SLC34A1: variants seen among roughly 807,000 people sequenced by gnomAD.
SLC34A1 encodes sodium-dependent phosphate transport protein 2A.
A neutral mutation model predicts 51.4 loss-of-function variants in SLC34A1; 57 were observed. The observed-to-expected ratio is 1.11, with a 90% CI of 0.90 to 1.38. The LOEUF is 1.38. Ranked by LOEUF, SLC34A1 falls within the 40% of genes most tolerant of loss-of-function variation. The probability of loss-of-function intolerance (pLI) is 0.00; values close to 1 mark genes in which losing one functional copy is unlikely to be tolerated. For missense variants in SLC34A1, 796 were observed against 835.6 expected (o/e 0.95, Z 0.58); for synonymous variants, 368 against 358.0 (o/e 1.03, Z -0.32).
rs757931846 is a variant in SLC34A1 at position 177,386,472 on chromosome 5, G to A, written c.438G>A (p.Pro146=). The A allele has an allele frequency of 4.7e-5, 76 of 1,614,044 alleles. No homozygotes were observed. The Admixed American group carries it at 8.0e-4, about 17-fold the overall frequency. ...IFKDNAILSN[P]VAGLVVGILV... ...AGGATAACGCCATCCTGTCCAACCC[G>A]GTGGCCGGGCTGGTGGTGGGGATCC... The change falls in exon 5 of 13, where the codon CCG becomes CCA. Residue 146 remains proline (P), a synonymous_variant. Transcript: ENST00000324417. The surrounding 1 kb of genome is among the most constrained non-coding windows in gnomAD (Gnocchi z 4.8).
chr5:177,396,766 ACTTTGC>A lies in SLC34A1; in HGVS notation c.1210_1215del (p.Phe404_Ala405del). On this transcript the variant is annotated inframe_deletion, in exon 11 of 13. Coordinates refer to ENST00000324417, the MANE Select transcript of SLC34A1 (RefSeq NM_003052.5). This position sits in a 1 kb window ranked among gnomAD's most constrained non-coding sequence, Gnocchi z 4.0. ...GCCCCCTTCACCTGGGTCACAGGCT[ACTTTGC>A]CATGGTGGTGGGCGCCAGCATGACC... The A allele has an allele frequency of 6.2e-7, 1 of 1,614,210 alleles. No individual in the cohort carries two copies. The highest frequency in any genetic ancestry group is 1.1e-5 in the South Asian group (1 of 91,082).
rs1489305215 is a variant in SLC34A1, at chr5:177,397,019, C to G, written c.1361C>G (p.Thr454Arg). 1 of 1,614,018 alleles carries G rather than the reference C, an allele frequency of 6.2e-7. No homozygotes were observed. The highest frequency in any genetic ancestry group is 1.7e-5 in the Admixed American group (1 of 60,010). ...GGTTCCAACATCGGCACCACCACCACGGCCATCCTGGCTGCCCTGGCCAGC... is the reference window on the plus strand; with the variant it reads ...GGTTCCAACATCGGCACCACCACCAGGGCCATCCTGGCTGCCCTGGCCAGC... Reference protein sequence around the residue: ...TLGSNIGTTTTAILAALASPR... With the variant: ...TLGSNIGTTTRAILAALASPR... The change falls in exon 12 of 13, where the codon ACG (threonine) becomes AGG (arginine). Residue 454 changes from threonine to arginine, a missense_variant. By Grantham distance (71) the Thr-to-Arg change is moderately conservative. Transcript: ENST00000324417.
In SLC34A1 at chr5:177,385,972, AGGCTCCCT is replaced by A; in HGVS notation, c.110-14_110-7del. ...CTTTGGGGCCCTGGGGCTCCTGACC[AGGCTCCCT>A]CCCTAGTCCTACACAGGATCCCGGG... On this transcript the variant is annotated splice_polypyrimidine_tract_variant and splice_region_variant and intron_variant, in intron 2 of 12. Transcript: ENST00000324417. 1.9e-6 allele frequency: 3 copies of A among 1,610,802 alleles called. No homozygotes were observed. The highest frequency in any genetic ancestry group is 2.5e-6 in the Non-Finnish European group (3 of 1,179,772).
chr5:177,395,473 G>A (rs1762927656), intron 10 of SLC34A1, among the ~76,000 whole-genome samples: 3 of 152,158 alleles, frequency 2.0e-5, no homozygotes, highest in Admixed American at 1.3e-4. Context: ...GTAGCTGGCA[G>A]GAGCAGGGTA....
In SLC34A1 at chr5:177,388,306, C is replaced by G; in HGVS notation, c.870C>G (p.Ala290=). 1 of 1,614,172 alleles carries G rather than the reference C, an allele frequency of 6.2e-7. No individual in the cohort carries two copies. The highest frequency in any genetic ancestry group is 8.5e-7 in the Non-Finnish European group (1 of 1,180,034). Residue 290 remains alanine (A), a synonymous_variant, in exon 8 of 13, where the codon GCC becomes GCG. Coordinates refer to ENST00000324417, the MANE Select transcript of SLC34A1 (RefSeq NM_003052.5). The surrounding 1 kb of genome is among the most constrained non-coding windows in gnomAD (Gnocchi z 4.3). ...QLDESVITSI[A]TGDESLRNHS... is the part of the protein sequence containing the mutation. The stretch of plus-strand genomic sequence containing the variant: ...ACGAGTCTGTGATAACCAGCATTGC[C>G]ACTGGTGATGAGTCCCTGAGGAACC...
intron 10 of SLC34A1, among the ~76,000 whole-genome samples, chr5:177,394,688 C>CTTTTTTTTTT (rs34736156): frequency 9.5e-6 from 1 of 105,100 alleles, no homozygotes; most frequent in African/African-American, 4.0e-5. Context: ...GAGACTTTGT[C>CTTTTTTTTTT]TTTTTTTTTT....
chr5:177,398,052 G>C lies in SLC34A1; in HGVS notation c.1686G>C (p.Gln562His). Reference sequence around the variant, plus strand: ...TCGTGGTGCTCATCAATGTCCTGCAGAGTCGGAGTCCCGGGCACCTGCCCA... The same window carrying C: ...TCGTGGTGCTCATCAATGTCCTGCACAGTCGGAGTCCCGGGCACCTGCCCA... ...LAFVVLINVLQSRSPGHLPKW... is the reference protein window; with the variant it reads ...LAFVVLINVLHSRSPGHLPKW... Residue 562 changes from glutamine (Q) to histidine (H), a missense_variant, in exon 13 of 13, where the codon CAG becomes CAC. Physicochemically the swap from Gln to His is conservative, Grantham distance 24. Transcript: ENST00000324417. This position sits in a 1 kb window ranked among gnomAD's most constrained non-coding sequence, Gnocchi z 4.7. The C allele has an allele frequency of 6.2e-7, 1 of 1,614,048 alleles. No individual in the cohort carries two copies. The highest frequency in any genetic ancestry group is 1.1e-5 in the South Asian group (1 of 91,088).
rs1323126729 is a variant in SLC34A1, at chr5:177,386,576, C to T, written c.532+10C>T. The T allele has an allele frequency of 6.2e-7, 1 of 1,613,582 alleles. No homozygotes were observed. Among genetic ancestry groups the T allele is most frequent in the Non-Finnish European group, 8.5e-7 (1 of 1,179,940 alleles). The stretch of plus-strand genomic sequence containing the variant: ...ATGGTCTCCTCTGGCTGTGAGTTGG[C>T]CCACCAGGGTGGGGAAGAGCTTGGA... On this transcript the variant is annotated intron_variant, in intron 5 of 12. Transcript: ENST00000324417. The surrounding 1 kb of genome is among the most constrained non-coding windows in gnomAD (Gnocchi z 4.8).
Position 177,398,569 on chromosome 5 carries a change from G to A in SLC34A1, c.*283G>A. On this transcript the variant is annotated 3_prime_UTR_variant, in exon 13 of 13. Coordinates refer to ENST00000324417, the MANE Select transcript of SLC34A1 (RefSeq NM_003052.5). The surrounding 1 kb of genome is among the most constrained non-coding windows in gnomAD (Gnocchi z 4.7). ...ACACACCTGTGGGAGGCTGTGTGCA[G>A]GCTGCAGGATATCTGGGTATGATTT... 1.8e-6 allele frequency: 1 copy of A among 554,626 alleles called. No homozygotes were observed. Among genetic ancestry groups the A allele is most frequent in the African/African-American group, 1.9e-5 (1 of 52,970 alleles). 34.4% of individuals were successfully genotyped at this position (554,626 alleles called of 1,614,324 possible).
rs996912407 is a variant in SLC34A1 at position 177,397,847 on chromosome 5, C to T, written c.1481C>T (p.Thr494Ile). The T allele has an allele frequency of 1.2e-6, 2 of 1,613,610 alleles. No homozygotes were observed. The highest frequency in any genetic ancestry group is 1.7e-6 in the Non-Finnish European group (2 of 1,179,958). ...CTTCTGTGGTACCCGGTGCCCTGCACACGCCTGCCCATCCGCATGGCCAAG... is the reference window on the plus strand; with the variant it reads ...CTTCTGTGGTACCCGGTGCCCTGCATACGCCTGCCCATCCGCATGGCCAAG... ...GILLWYPVPCTRLPIRMAKAL... is the reference protein window; with the variant it reads ...GILLWYPVPCIRLPIRMAKAL... Residue 494 changes from threonine to isoleucine, a missense_variant, in exon 13 of 13, where the codon ACA becomes ATA. Transcript: ENST00000324417.
chr5:177,386,244 C>T lies in SLC34A1; in HGVS notation c.283C>T (p.Arg95Cys), dbSNP rs570530283. 160 of 1,544,224 alleles carry T rather than the reference C, an allele frequency of 1.0e-4. No homozygotes were observed. The South Asian group carries it at 1.4e-3, about 13-fold the overall frequency. ...AGAGTCCAGGCTGGTCCCCAAGCTG[C>T]GCCAGGCTGGCGCCATGCTGCTCAA... ...KPESRLVPKL[R>C]QAGAMLLKVP... Residue 95 changes from arginine to cysteine, a missense_variant, in exon 4 of 13, where the codon CGC becomes TGC. By Grantham distance (180) the Arg-to-Cys change is radical. Transcript: ENST00000324417. The surrounding 1 kb of genome is among the most constrained non-coding windows in gnomAD (Gnocchi z 4.8).
At position 177,389,794 on chromosome 5, in the gene SLC34A1, A is replaced by G. The variant is rs543083557; in HGVS notation, c.936+1422A>G. ...CAGCAGCCTCCACGTCCTCACTTGA[A>G]GTCATCCTCACCCAGGTTCACTCTG... is the stretch of plus-strand genomic sequence containing the variant. On this transcript the variant is annotated intron_variant, in intron 8 of 12. Coordinates refer to ENST00000324417, the MANE Select transcript of SLC34A1 (RefSeq NM_003052.5). The G allele has an allele frequency of 6.3e-4, 968 of 1,533,480 alleles. 6 individuals carry two copies. Among genetic ancestry groups the G allele is most frequent in the Admixed American group, 1.2e-3 (60 of 50,924 alleles). The allele number at this position is 1,533,480 out of a possible 1,614,324, so 95.0% of individuals were successfully genotyped here. A position where few individuals can be genotyped will look rare whatever the true frequency, so the allele number is the denominator to read the frequency against.
chr5:177,397,716 C>A, intron 12 of SLC34A1, 67 bp from the exon 13 acceptor site: 2 of 1,594,234 alleles, frequency 1.3e-6, no homozygotes, highest in South Asian at 1.1e-5. Context: ...ATCATCTACC[C>A]CTGCTGGCCT....
At chr5:177,395,340 G>A (rs1244401726) in intron 10 of SLC34A1, among the ~76,000 whole-genome samples, 1 of 152,124 alleles carries the variant, frequency 6.6e-6, no homozygotes, top group African/African-American at 2.4e-5. Context: ...AGTGCAGTTG[G>A]CATTTGAACA....
At position 177,386,046 on chromosome 5, in the gene SLC34A1, C is replaced by T. The variant is rs763646910; in HGVS notation, c.169C>T (p.Leu57Phe). 3 of 1,609,658 alleles carry T rather than the reference C, an allele frequency of 1.9e-6. No homozygotes were observed. In the South Asian group the frequency reaches 3.3e-5, roughly 18 times the overall value. ...YAFPSLGPVA[L>F]AEHTCPCGEV... Reference sequence around the variant, plus strand: ...CTTCCCCAGCCTGGGCCCTGTGGCCCTTGCTGAGCACACCTGCCCCTGTGG... The same window carrying T: ...CTTCCCCAGCCTGGGCCCTGTGGCCTTTGCTGAGCACACCTGCCCCTGTGG... The change falls in exon 3 of 13, where the codon CTT (leucine) becomes TTT (phenylalanine). Residue 57 changes from leucine (L) to phenylalanine (F), a missense_variant. Leu to Phe is a conservative substitution (Grantham distance 22, BLOSUM62 0). Transcript: ENST00000324417. This position sits in a 1 kb window ranked among gnomAD's most constrained non-coding sequence, Gnocchi z 4.8.
rs1420037043 is a variant in SLC34A1 at position 177,398,145 on chromosome 5, C to G, written c.1779C>G (p.Ile593Met). 2 of 1,611,338 alleles carry G rather than the reference C, an allele frequency of 1.2e-6. No individual in the cohort carries two copies. The highest frequency in any genetic ancestry group is 2.2e-5 in the South Asian group (2 of 90,906). ...CCCTGAAGCCCCTGGACCACCTCAT[C>G]ACCCGCGCCACCCTATGCTGTGCCA... The part of the protein sequence containing the change: ...MHSLKPLDHL[I>M]TRATLCCARP... The change falls in exon 13 of 13, where the codon ATC (isoleucine) becomes ATG (methionine). Residue 593 changes from isoleucine to methionine, a missense_variant. By Grantham distance (10) the Ile-to-Met change is conservative (BLOSUM62 1). Transcript: ENST00000324417. This position sits in a 1 kb window ranked among gnomAD's most constrained non-coding sequence, Gnocchi z 4.7.
Position 177,386,344 on chromosome 5 carries a change from C to T in SLC34A1, c.383C>T (p.Ala128Val), listed in dbSNP as rs1219598953. The T allele has an allele frequency of 6.2e-7, 1 of 1,614,144 alleles. No individual in the cohort carries two copies. The highest frequency in any genetic ancestry group is 8.5e-7 in the Non-Finnish European group (1 of 1,180,052). The change falls in exon 4 of 13, where the codon GCT becomes GTT. Residue 128 changes from alanine (A) to valine (V), a missense_variant. Physicochemically the swap from Ala to Val is moderately conservative, Grantham distance 64 (BLOSUM62 0). Transcript: ENST00000324417. The surrounding 1 kb of genome is among the most constrained non-coding windows in gnomAD (Gnocchi z 4.8). ...ATGCTCAGCTCGGCCTTCCAGCTGGCTGGAGGTAGGGCCCGGGTGGAGGAG... is the reference window on the plus strand; with the variant it reads ...ATGCTCAGCTCGGCCTTCCAGCTGGTTGGAGGTAGGGCCCGGGTGGAGGAG... ...LDMLSSAFQL[A>V]GGKVAGDIFK...
chr5:177,390,758 A>T (rs1213730288), intron 8 of SLC34A1, among the ~76,000 whole-genome samples: 1 of 152,046 alleles, frequency 6.6e-6, no homozygotes, highest in African/African-American at 2.4e-5. Flanking sequence ...CTGAGGGGGA[A>T]ACTGCTGCGC....
rs746525922 is a variant in SLC34A1 at position 177,398,227 on chromosome 5, C to T, written c.1861C>T (p.Pro621Ser). ...PPRVFLEELP[P>S]ATPSPRLALP... is the part of the protein sequence containing the mutation. ...CAGGGTCTTCCTGGAGGAGCTACCC[C>T]CTGCCACACCCTCCCCCCGTCTTGC... Residue 621 changes from proline (P) to serine (S), a missense_variant, in exon 13 of 13, where the codon CCT becomes TCT. Transcript: ENST00000324417. This position sits in a 1 kb window ranked among gnomAD's most constrained non-coding sequence, Gnocchi z 4.7. 2 of 1,601,910 alleles carry T rather than the reference C, an allele frequency of 1.2e-6. No individual in the cohort carries two copies. Among genetic ancestry groups the T allele is most frequent in the South Asian group, 1.1e-5 (1 of 91,088 alleles).
Sources: gnomAD v4.1 joint callset for allele counts (sites outside exome capture counted in the v4.1 genomes callset) on GRCh38, gnomAD v4.1.1 for gene constraint, Gnocchi (gnomAD v3.1) non-coding constraint, MANE v1.5 for transcripts, NCBI Gene and HGNC (gene_info 2026-07-23, HGNC 2026-07-21) for gene names.